Variants in NUBPL observed in about 807,000 individuals in gnomAD.
NUBPL encodes NUBP iron-sulfur cluster assembly factor, mitochondrial, also known as iron-sulfur cluster transfer protein NUBPL.
NUBPL carries 31 observed loss-of-function variants against 45.7 expected under a neutral mutation model. The ratio of observed to expected loss-of-function variants is 0.68; its 90% CI spans 0.51 to 0.92. NUBPL has a LOEUF of 0.92. Among genes scored for constraint, NUBPL ranks in the 40% least tolerant of loss-of-function variants. The pLI is 0.00. For synonymous variants in NUBPL, 144 were observed against 140.9 expected (o/e 1.02, Z -0.15); for missense variants, 401 against 398.7 (o/e 1.01, Z -0.05).
chr14:31,771,636 T>C (rs1371127773), intron 6 of NUBPL, among the ~76,000 whole-genome samples: 2 of 152,232 alleles, frequency 1.3e-5, no homozygotes, highest in Non-Finnish European at 2.9e-5. Flanking sequence ...TGGACAACTC[T>C]TGTAACTTCT....
At chr14:31,581,419 A>G (rs999579646) in intron 3 of NUBPL, among the ~76,000 whole-genome samples, 3 of 152,166 alleles carry the variant, frequency 2.0e-5, no homozygotes, top group African/African-American at 7.2e-5. Flanking sequence ...CCTAGTAACC[A>G]CTAATCTACT....
chr14:31,688,282 T>G (rs1235614272), intron 6 of NUBPL, among the ~76,000 whole-genome samples: 1 of 152,092 alleles, frequency 6.6e-6, no homozygotes, highest in Non-Finnish European at 1.5e-5. Context: ...TGGACATCAT[T>G]AAGTAAATCA....
chr14:31,613,688 C>G (rs965958332), intron 4 of NUBPL, among the ~76,000 whole-genome samples: 1 of 151,998 alleles, frequency 6.6e-6, no homozygotes, highest in Admixed American at 6.6e-5. Flanking sequence ...GAACTCCTGA[C>G]CTTGTGATCC....
chr14:31,820,968 C>G (rs527774289), intron 7 of NUBPL, among the ~76,000 whole-genome samples: 1 of 151,746 alleles, frequency 6.6e-6, no homozygotes, highest in Non-Finnish European at 1.5e-5. Context: ...TAAATAAATA[C>G]AAAAATTAGC....
intron 7 of NUBPL, among the ~76,000 whole-genome samples, chr14:31,823,812 A>T (rs944371054): frequency 6.6e-6 from 1 of 152,130 alleles, no homozygotes; most frequent in African/African-American, 2.4e-5. Context: ...TATGAAAAAA[A>T]CTAGGAAACA....
intron 6 of NUBPL, among the ~76,000 whole-genome samples, chr14:31,786,634 C>T (rs1456405612): frequency 2.6e-5 from 4 of 152,196 alleles, no homozygotes; most frequent in Non-Finnish European, 5.9e-5. Flanking sequence ...ATGCCCAATA[C>T]ATAGTAGGTA....
intron 7 of NUBPL, among the ~76,000 whole-genome samples, chr14:31,819,427 G>A (rs1031374356): frequency 1.3e-5 from 2 of 152,138 alleles, no homozygotes; most frequent in Non-Finnish European, 2.9e-5. Flanking sequence ...CCCTGAGCAG[G>A]TTTTGTTGCA....
At chr14:31,570,545 A>T (rs745447670) in intron 3 of NUBPL, among the ~76,000 whole-genome samples, 3 of 152,218 alleles carry the variant, frequency 2.0e-5, no homozygotes, top group Non-Finnish European at 4.4e-5. Context: ...AGAAACCTGT[A>T]ATGCAATCCA....
At chr14:31,657,943 G>A (rs1487979537) in intron 4 of NUBPL, among the ~76,000 whole-genome samples, 1 of 152,124 alleles carries the variant, frequency 6.6e-6, no homozygotes, top group Non-Finnish European at 1.5e-5. Flanking sequence ...TACATCATAT[G>A]AATTTGATAA....
At chr14:31,606,042 CCCT>C (rs1296314552) in intron 4 of NUBPL, among the ~76,000 whole-genome samples, 5 of 150,560 alleles carry the variant, frequency 3.3e-5, no homozygotes, top group Admixed American at 1.3e-4. Context: ...CCCTCCTCCT[CCCT>C]CCTCCTCCAT....
At chr14:31,656,091 CT>C (rs917314055) in intron 4 of NUBPL, among the ~76,000 whole-genome samples, 5 of 151,432 alleles carry the variant, frequency 3.3e-5, no homozygotes, top group South Asian at 4.2e-4. Context: ...ATAGAGATGG[CT>C]TTTTTTTTCT....
chr14:31,611,474 A>C (rs931117778), intron 4 of NUBPL, among the ~76,000 whole-genome samples: 1 of 152,232 alleles, frequency 6.6e-6, no homozygotes, highest in African/African-American at 2.4e-5. Flanking sequence ...AAGAATCAAT[A>C]TTGTTAAATT....
intron 6 of NUBPL, among the ~76,000 whole-genome samples, chr14:31,697,997 G>C (rs1423996670): frequency 6.6e-6 from 1 of 152,172 alleles, no homozygotes; most frequent in African/African-American, 2.4e-5. Context: ...AGCAGGCGAT[G>C]AGAAGAGTAA....
intron 6 of NUBPL, among the ~76,000 whole-genome samples, chr14:31,740,310 A>G (rs1225740341): frequency 2.0e-5 from 3 of 152,174 alleles, no homozygotes; most frequent in Non-Finnish European, 4.4e-5. Flanking sequence ...CCTCACCATC[A>G]TTTGGTGGTG....
At chr14:31,718,346 A>G (rs2037733992) in intron 6 of NUBPL, among the ~76,000 whole-genome samples, 1 of 152,210 alleles carries the variant, frequency 6.6e-6, no homozygotes, top group Non-Finnish European at 1.5e-5. Context: ...CAAAGATAGA[A>G]ATAAAATATA....
At chr14:31,766,315 G>A (rs890437355) in intron 6 of NUBPL, among the ~76,000 whole-genome samples, 4 of 152,190 alleles carry the variant, frequency 2.6e-5, no homozygotes, top group Non-Finnish European at 5.9e-5. Context: ...TGTCAACAAA[G>A]CATTTGCAGT....
chr14:31,769,278 G>A (rs1018736571), intron 6 of NUBPL, among the ~76,000 whole-genome samples: 3 of 152,056 alleles, frequency 2.0e-5, no homozygotes, highest in Non-Finnish European at 4.4e-5. Context: ...ATGTCTCTCT[G>A]GACTTGATAA....
chr14:31,813,454 C>T (rs1219079357), intron 7 of NUBPL, among the ~76,000 whole-genome samples: 1 of 151,622 alleles, frequency 6.6e-6, no homozygotes, highest in African/African-American at 2.4e-5. Context: ...CACACACACA[C>T]ACACACACAC....
intron 4 of NUBPL, among the ~76,000 whole-genome samples, chr14:31,636,832 T>G (rs2035518166): frequency 6.6e-6 from 1 of 152,230 alleles, no homozygotes; most frequent in African/African-American, 2.4e-5. Flanking sequence ...AGTGTATGTG[T>G]CGAGGAATTT....
Sources: gnomAD v4.1 joint callset for allele counts (sites outside exome capture counted in the v4.1 genomes callset) on GRCh38, gnomAD v4.1.1 for gene constraint, MANE v1.5 for transcripts, NCBI Gene and HGNC (gene_info 2026-07-23, HGNC 2026-07-21) for gene names.